The following PRKAG2 variants were observed in gnomAD, a reference collection of about 807,000 sequenced individuals.
The protein encoded by PRKAG2 is 5'-AMP-activated protein kinase subunit gamma-2.
In PRKAG2, 26 loss-of-function variants were observed where a neutral mutation model predicts 69.6. That is an observed-to-expected ratio of 0.37 (90% CI 0.27 to 0.52). PRKAG2 has a LOEUF of 0.52. Among genes scored for constraint, PRKAG2 ranks in the 20% least tolerant of loss-of-function variants. The pLI, the probability that PRKAG2 is intolerant of heterozygous loss-of-function variation, is 0.90. For missense variants in PRKAG2, 557 were observed against 740.0 expected (o/e 0.75, Z 2.87); for synonymous variants, 293 against 285.0 (o/e 1.03, Z -0.28).
chr7:151,709,799 A>G (rs1297360469), intron 3 of PRKAG2, among the ~76,000 whole-genome samples: 4 of 152,142 alleles, frequency 2.6e-5, no homozygotes, highest in East Asian at 1.9e-4. Flanking sequence ...GTGAAGTGAT[A>G]TGTGTAACAT....
intron 1 of PRKAG2, among the ~76,000 whole-genome samples, chr7:151,849,704 C>T (rs996170255): frequency 2.0e-5 from 3 of 152,104 alleles, no homozygotes; most frequent in East Asian, 1.9e-4. Context: ...TAGCCACCAG[C>T]GCACTCCTGT....
chr7:151,649,799 C>A (rs922052535), intron 4 of PRKAG2, among the ~76,000 whole-genome samples: 3 of 152,198 alleles, frequency 2.0e-5, no homozygotes, highest in East Asian at 1.9e-4. Flanking sequence ...AGAAGCCGAG[C>A]GGATACCAGC....
intron 3 of PRKAG2, among the ~76,000 whole-genome samples, chr7:151,772,059 G>C (rs1272649246): frequency 6.6e-6 from 1 of 152,198 alleles, no homozygotes; most frequent in Non-Finnish European, 1.5e-5. Context: ...CTCTGGTGGG[G>C]AGAGACAGGC....
intron 1 of PRKAG2, among the ~76,000 whole-genome samples, chr7:151,798,469 C>A (rs910121545): frequency 6.6e-6 from 1 of 152,116 alleles, no homozygotes; most frequent in Non-Finnish European, 1.5e-5. Flanking sequence ...TGTGAGCCAC[C>A]ACGCCCGGCT....
At chr7:151,733,143 G>A (rs1335327468) in intron 3 of PRKAG2, among the ~76,000 whole-genome samples, 6 of 152,192 alleles carry the variant, frequency 3.9e-5, no homozygotes, top group Non-Finnish European at 5.9e-5. Flanking sequence ...ACTGTCTGTG[G>A]GGCACAGGGC....
In PRKAG2 at chr7:151,807,463, C is replaced by T. The variant is rs2078170819; in HGVS notation, c.115-20922G>A. 1 of 457,742 alleles carries T rather than the reference C, an allele frequency of 2.2e-6. No homozygotes were observed. The highest frequency in any genetic ancestry group is 2.0e-5 in the African/African-American group (1 of 50,060). The allele number at this position is 457,742 out of a possible 1,614,324, so 28.4% of individuals were successfully genotyped here. ...TCCAGTTTCAATTGGCCTCTTGGTGCCAAAGCACCATGGCGTGTTACACCT... is the reference window on the plus strand; with the variant it reads ...TCCAGTTTCAATTGGCCTCTTGGTGTCAAAGCACCATGGCGTGTTACACCT... On this transcript the variant is annotated intron_variant, in intron 1 of 15. Transcript: ENST00000287878. The surrounding 1 kb of genome is among the most constrained non-coding windows in gnomAD (Gnocchi z 4.4).
chr7:151,721,955 A>G (rs1201528517), intron 3 of PRKAG2, among the ~76,000 whole-genome samples: 2 of 152,066 alleles, frequency 1.3e-5, no homozygotes, highest in Non-Finnish European at 2.9e-5. Flanking sequence ...CACCTCCTCC[A>G]TGCAGCCCAC....
chr7:151,795,697 C>T (rs1331030649), intron 1 of PRKAG2, among the ~76,000 whole-genome samples: 2 of 151,828 alleles, frequency 1.3e-5, no homozygotes, highest in African/African-American at 4.8e-5. Flanking sequence ...CCGCAGCAGG[C>T]CTGAAGAGGG....
chr7:151,607,452 T>G (rs1471573621), intron 5 of PRKAG2, among the ~76,000 whole-genome samples: 1 of 152,074 alleles, frequency 6.6e-6, no homozygotes, highest in African/African-American at 2.4e-5. Context: ...CTGTATTTTT[T>G]TTTTTGTAGT....
intron 3 of PRKAG2, among the ~76,000 whole-genome samples, chr7:151,770,222 A>G (rs1174936353): frequency 3.3e-5 from 5 of 152,162 alleles, no homozygotes; most frequent in Admixed American, 6.5e-5. Flanking sequence ...ACCCCTGACC[A>G]TGGAGTGGCT....
chr7:151,806,873 C>T (rs531663820), intron 1 of PRKAG2: 126 of 414,682 alleles, frequency 3.0e-4, no homozygotes, highest in South Asian at 1.5e-3. Context: ...GGCTGAGCCA[C>T]GAGAATCGCT....
intron 4 of PRKAG2, among the ~76,000 whole-genome samples, chr7:151,670,976 C>G (rs1831935119): frequency 6.6e-6 from 1 of 152,094 alleles, no homozygotes; most frequent in Non-Finnish European, 1.5e-5. Flanking sequence ...GAGTTCAAGA[C>G]CAGCCTGGCC....
At position 151,792,858 on chromosome 7, in the gene PRKAG2, G is replaced by A. The variant is rs541348044; in HGVS notation, c.115-6317C>T. Among the ~76,000 whole-genome samples, 18 of 152,282 alleles carry A rather than the reference G, an allele frequency of 1.2e-4. No homozygotes were observed. The East Asian group carries it at 1.4e-3, about 11-fold the overall frequency. Reference sequence around the variant, plus strand: ...TCTGGAGCTGCTGGGCCTTGCGTCCGCCGAGGCCAGGGCCCCTCCCGGCCA... The same window carrying A: ...TCTGGAGCTGCTGGGCCTTGCGTCCACCGAGGCCAGGGCCCCTCCCGGCCA... On this transcript the variant is annotated intron_variant, in intron 1 of 15. Transcript: ENST00000287878.
Position 151,835,909 on chromosome 7 carries a change from C to T in PRKAG2, c.114+40598G>A, listed in dbSNP as rs1034343874. ...TTCCGTATTCAAGAGTGGGGTGCAGCTCAGGGAGGCATCGGAGATGGGGAC... is the reference window on the plus strand; with the variant it reads ...TTCCGTATTCAAGAGTGGGGTGCAGTTCAGGGAGGCATCGGAGATGGGGAC... On this transcript the variant is annotated intron_variant, in intron 1 of 15. Coordinates refer to ENST00000287878, the MANE Select transcript of PRKAG2 (RefSeq NM_016203.4). The surrounding 1 kb of genome is among the most constrained non-coding windows in gnomAD (Gnocchi z 4.1). Among the ~76,000 whole-genome samples, 6 of 152,198 alleles carry T rather than the reference C, an allele frequency of 3.9e-5. No individual in the cohort carries two copies. Among genetic ancestry groups the T allele is most frequent in the African/African-American group, 1.4e-4 (6 of 41,462 alleles).
intron 3 of PRKAG2, among the ~76,000 whole-genome samples, chr7:151,693,081 G>A (rs1025193476): frequency 2.0e-5 from 3 of 152,176 alleles, no homozygotes; most frequent in African/African-American, 7.2e-5. Context: ...TCCTTCACCC[G>A]CCCTCACCTT....
At chr7:151,820,647 T>G (rs55728136) in intron 1 of PRKAG2, among the ~76,000 whole-genome samples, 452 of 23,076 alleles carry the variant, frequency 0.02, 55 homozygotes, top group African/African-American at 0.035. Context: ...CACTCTACTC[T>G]GAACACCGCT....
chr7:151,851,167 G>A (rs1279289225), intron 1 of PRKAG2, among the ~76,000 whole-genome samples: 2 of 152,160 alleles, frequency 1.3e-5, no homozygotes, highest in Admixed American at 6.5e-5. Context: ...AAGAAACGTC[G>A]CCCATGCCAG....
chr7:151,698,570 C>T (rs1311784343), intron 3 of PRKAG2, among the ~76,000 whole-genome samples: 1 of 152,122 alleles, frequency 6.6e-6, no homozygotes, highest in Non-Finnish European at 1.5e-5. Context: ...TCCTCCCTGT[C>T]TCTTGCCCTC....
intron 6 of PRKAG2, among the ~76,000 whole-genome samples, chr7:151,587,681 T>C (rs752485768): frequency 2.6e-5 from 4 of 152,020 alleles, no homozygotes; most frequent in Non-Finnish European, 5.9e-5. Context: ...TTCTGGAAAA[T>C]ACCTGACCAA....
Sources: gnomAD v4.1 joint callset for allele counts (sites outside exome capture counted in the v4.1 genomes callset) on GRCh38, gnomAD v4.1.1 for gene constraint, Gnocchi (gnomAD v3.1) non-coding constraint, MANE v1.5 for transcripts, NCBI Gene and HGNC (gene_info 2026-07-23, HGNC 2026-07-21) for gene names.